ARHGAP44: variants seen among roughly 807,000 people sequenced by gnomAD.
ARHGAP44 encodes Rho GTPase activating protein 44, also known as rho GTPase-activating protein 44.
In ARHGAP44, 43 loss-of-function variants were observed where a neutral mutation model predicts 106.8. The observed-to-expected ratio is 0.40, with a 90% confidence interval of 0.32 to 0.52. The LOEUF (loss-of-function observed/expected upper bound fraction) is 0.52. Among genes scored for constraint, ARHGAP44 ranks in the 20% least tolerant of loss-of-function variants. The pLI, the probability that ARHGAP44 is intolerant of heterozygous loss-of-function variation, is 0.48. For synonymous variants in ARHGAP44, 439 were observed against 410.3 expected (o/e 1.07, Z -0.85); for missense variants, 866 against 1,050.5 (o/e 0.82, Z 2.43).
At chr17:12,817,117 A>G (rs1294490810) in intron 1 of ARHGAP44, among the ~76,000 whole-genome samples, 1 of 152,174 alleles carries the variant, frequency 6.6e-6, no homozygotes, top group East Asian at 1.9e-4. Flanking sequence ...ACAGAAAGAT[A>G]ACTAGGAAAC....
rs200711620 is a variant in ARHGAP44, at chr17:12,984,601, C to T, written c.2010C>T (p.Ser670=). The T allele has an allele frequency of 4.5e-5, 72 of 1,606,252 alleles. No individual in the cohort carries two copies. The Middle Eastern group carries it at 5.0e-4, about 11-fold the overall frequency. ...AGCCGGGGGCTATGGCAGACCAGTC[C>T]GCTGGCCAGCCGTCCCCAGTCAGCC... ...FGQPGAMADQ[S]AGQPSPVSLS... The change falls in exon 20 of 21, where the codon TCC becomes TCT. Residue 670 remains serine, a synonymous_variant. Transcript: ENST00000379672.
At chr17:12,897,897 T>C (rs1351914574) in intron 3 of ARHGAP44, among the ~76,000 whole-genome samples, 1 of 152,026 alleles carries the variant, frequency 6.6e-6, no homozygotes, top group Non-Finnish European at 1.5e-5. Context: ...TTTACCTGGA[T>C]TGGTGGAGTT....
At chr17:12,918,425 G>A (rs533133435) in intron 5 of ARHGAP44, among the ~76,000 whole-genome samples, 1 of 152,190 alleles carries the variant, frequency 6.6e-6, no homozygotes, top group African/African-American at 2.4e-5. Context: ...TTTTCGTTTT[G>A]CATTCTCACA....
At position 12,958,079 on chromosome 17, in the gene ARHGAP44, G is replaced by A. The variant is rs926186592; in HGVS notation, c.1343-638G>A. ...AAGACAGTAATCCTATAGGTTCTGC[G>A]GCTGAGCTAATTCATTACCACTGCA... On this transcript the variant is annotated intron_variant, in intron 15 of 20. Transcript: ENST00000379672. The surrounding 1 kb of genome is among the most constrained non-coding windows in gnomAD (Gnocchi z 4.1). 2.0e-5 allele frequency among the ~76,000 whole-genome samples: 3 copies of A among 152,168 alleles called. No individual in the cohort carries two copies. The highest frequency in any genetic ancestry group is 2.1e-4 in the South Asian group (1 of 4,832).
Position 12,912,837 on chromosome 17 carries a change from AGAG to A in ARHGAP44, c.276-3059_276-3057del, listed in dbSNP as rs202148633. ...CCCAAGTTTCAATCAACGAGAGGGC[AGAG>A]GAGAATACCGTGACATACGTGGCCT... On this transcript the variant is annotated intron_variant, in intron 4 of 20. Transcript: ENST00000379672. Among the ~76,000 whole-genome samples, 394 of 152,362 alleles carry A rather than the reference AGAG, an allele frequency of 2.6e-3. 10 individuals carry two copies. In the East Asian group the frequency reaches 0.044, roughly 17 times the overall value.
intron 3 of ARHGAP44, among the ~76,000 whole-genome samples, chr17:12,905,311 C>A (rs2037515557): frequency 6.6e-6 from 1 of 152,192 alleles, no homozygotes; most frequent in Non-Finnish European, 1.5e-5. Context: ...ATTCTGTCCT[C>A]TCTGCTACCT....
intron 16 of ARHGAP44, among the ~76,000 whole-genome samples, chr17:12,960,641 A>G (rs919355919): frequency 2.0e-5 from 3 of 151,426 alleles, no homozygotes; most frequent in African/African-American, 7.3e-5. Context: ...GCTCACTGCA[A>G]CCTCTGCATC....
chr17:12,821,214 GACAAAA>G (rs1347411741), intron 1 of ARHGAP44, among the ~76,000 whole-genome samples: 1 of 152,134 alleles, frequency 6.6e-6, no homozygotes, highest in Non-Finnish European at 1.5e-5. Context: ...AAGGATTAAA[GACAAAA>G]ACAAAAACGT....
intron 1 of ARHGAP44, among the ~76,000 whole-genome samples, chr17:12,872,468 ACCT>A (rs1342241737): frequency 6.6e-6 from 1 of 152,148 alleles, no homozygotes; most frequent in Non-Finnish European, 1.5e-5. Flanking sequence ...AAGATAGGTA[ACCT>A]CCTAAATAAT....
chr17:12,895,060 G>A (rs1442904257), intron 2 of ARHGAP44, 81 bp downstream of exon 2: 1 of 1,383,886 alleles, frequency 7.2e-7, no homozygotes, highest in Non-Finnish European at 1.0e-6. Context: ...GAACCCAGGA[G>A]GTGGAGGTTG....
chr17:12,851,459 A>C (rs2035737451), intron 1 of ARHGAP44, among the ~76,000 whole-genome samples: 1 of 150,862 alleles, frequency 6.6e-6, no homozygotes. Context: ...CATTATCTTT[A>C]CTTTCTCTTC....
intron 17 of ARHGAP44, chr17:12,973,835 G>A (rs975710443): frequency 1.4e-5 from 8 of 573,774 alleles, no homozygotes; most frequent in Non-Finnish European, 2.5e-5. Context: ...CAGCGCTGCC[G>A]ACTGTGCCCT....
At chr17:12,893,750 G>A (rs575766528) in intron 1 of ARHGAP44, among the ~76,000 whole-genome samples, 2 of 152,266 alleles carry the variant, frequency 1.3e-5, no homozygotes, top group African/African-American at 2.4e-5. Flanking sequence ...TCTAAAAAGT[G>A]TCTGTCTTTC....
chr17:12,789,639 G>T lies in ARHGAP44; in HGVS notation c.-200G>T, dbSNP rs2033666628. The T allele has an allele frequency of 8.5e-6, 3 of 351,938 alleles. No individual in the cohort carries two copies. Among genetic ancestry groups the T allele is most frequent in the Non-Finnish European group, 1.5e-5 (3 of 199,588 alleles). The allele number at this position is 351,938 out of a possible 1,614,324, so 21.8% of individuals were successfully genotyped here. On this transcript the variant is annotated 5_prime_UTR_variant, in exon 1 of 21. Transcript: ENST00000379672. ...GCGCGGCGCGCGTGAGGGGGATGCG[G>T]CAGGAGGCGGCGCGGCGGGAGGAGT... is the stretch of plus-strand genomic sequence containing the variant.
At position 12,889,478 on chromosome 17, in the gene ARHGAP44, A is replaced by G. The variant is rs1598004000; in HGVS notation, c.54-5462A>G. ...AAGAAACCCACATCTGTGACAATGA[A>G]CCCACTCCCACAATAACAGCATTAA... is the stretch of plus-strand genomic sequence containing the variant. On this transcript the variant is annotated intron_variant, in intron 1 of 20. Coordinates refer to ENST00000379672, the MANE Select transcript of ARHGAP44 (RefSeq NM_014859.6). Among the ~76,000 whole-genome samples the G allele has an allele frequency of 3.9e-5, 6 of 152,220 alleles. 1 individual carries two copies. Among genetic ancestry groups the G allele is most frequent in the Admixed American group, 3.9e-4 (6 of 15,282 alleles).
intron 1 of ARHGAP44, among the ~76,000 whole-genome samples, chr17:12,883,958 G>C (rs1209813990): frequency 6.6e-6 from 1 of 152,088 alleles, no homozygotes; most frequent in African/African-American, 2.4e-5. Flanking sequence ...TATATTGTGT[G>C]ATTCGTATCA....
At chr17:12,842,529 C>CT (rs1209687666) in intron 1 of ARHGAP44, among the ~76,000 whole-genome samples, 3 of 152,016 alleles carry the variant, frequency 2.0e-5, no homozygotes, top group Non-Finnish European at 2.9e-5. Context: ...GGTTCTCCAA[C>CT]TTTCATTTGC....
At chr17:12,956,328 A>C (rs970880434) in intron 14 of ARHGAP44, among the ~76,000 whole-genome samples, 1 of 152,018 alleles carries the variant, frequency 6.6e-6, no homozygotes, top group African/African-American at 2.4e-5. Context: ...CAGGATTCGG[A>C]GGGATAGAAG....
At chr17:12,820,236 C>T (rs531806253) in intron 1 of ARHGAP44, among the ~76,000 whole-genome samples, 1 of 152,054 alleles carries the variant, frequency 6.6e-6, no homozygotes, top group East Asian at 1.9e-4. Flanking sequence ...GTTTATTCAT[C>T]TTTAAAATTT....
Sources: gnomAD v4.1 joint callset for allele counts (sites outside exome capture counted in the v4.1 genomes callset) on GRCh38, gnomAD v4.1.1 for gene constraint, Gnocchi (gnomAD v3.1) non-coding constraint, MANE v1.5 for transcripts, NCBI Gene and HGNC (gene_info 2026-07-23, HGNC 2026-07-21) for gene names.